Variants in TCN2 observed in about 807,000 individuals in gnomAD.
TCN2 encodes transcobalamin 2.
In TCN2, 34 loss-of-function variants were observed where a neutral mutation model predicts 48.6. The ratio of observed to expected loss-of-function variants is 0.70; its 90% CI spans 0.53 to 0.93. The LOEUF (loss-of-function observed/expected upper bound fraction) is 0.93, where lower values mean the gene tolerates loss of function less well. Among genes scored for constraint, TCN2 ranks in the 40% least tolerant of loss-of-function variants. TCN2 has a pLI of 0.00. For missense variants in TCN2, 652 were observed against 526.1 expected (o/e 1.24, Z -2.34); for synonymous variants, 283 against 212.5 (o/e 1.33, Z -2.89).
rs1021534004 is a variant in TCN2, at chr22:30,611,191, G to C, written c.257+128G>C. ...GCAAATTTTCTCCATCTATAGAATG[G>C]AGGACCTTTGTCCATCTATAGAATG... On this transcript the variant is annotated intron_variant, in intron 2 of 8. Transcript: ENST00000215838. The C allele has an allele frequency of 1.9e-5, 21 of 1,121,730 alleles. No individual in the cohort carries two copies. In the African/African-American group the frequency reaches 2.9e-4, roughly 16 times the overall value. The allele number at this position is 1,121,730 out of a possible 1,614,324, so 69.5% of individuals were successfully genotyped here. A position where few individuals can be genotyped will look rare whatever the true frequency, so the allele number is the denominator to read the frequency against.
chr22:30,612,563 TAAATA>T (rs1319568269), intron 2 of TCN2, among the ~76,000 whole-genome samples: 3 of 151,600 alleles, frequency 2.0e-5, no homozygotes, highest in African/African-American at 4.8e-5. Flanking sequence ...AGAAAATAAA[TAAATA>T]AAATAAAAAA....
At position 30,610,626 on chromosome 22, in the gene TCN2, C is replaced by CT. The variant is rs143253871; in HGVS notation, c.65-244dup. The stretch of plus-strand genomic sequence containing the variant: ...AGTGGTTGCCTGGCAGTAGCATCCT[C>CT]TATCTTCAGCCCACCACCTCTCTTG... On this transcript the variant is annotated intron_variant, in intron 1 of 8. Coordinates refer to ENST00000215838, the MANE Select transcript of TCN2 (RefSeq NM_000355.4). 0.027 allele frequency among the ~76,000 whole-genome samples: 4,101 copies of CT among 152,356 alleles called. 78 individuals carry two copies. The highest frequency in any genetic ancestry group is 0.046 in the African/African-American group (1,932 of 41,582).
At position 30,626,448 on chromosome 22, in the gene TCN2, CTG is replaced by C. The variant is rs746256091; in HGVS notation, c.1223-10_1223-9del. 2.5e-6 allele frequency: 4 copies of C among 1,614,014 alleles called. No individual in the cohort carries two copies. The highest frequency in any genetic ancestry group is 2.5e-6 in the Non-Finnish European group (3 of 1,180,024). Reference sequence around the variant, plus strand: ...CCCAATTCGCCCCTCCTTGCTCAATCTGTTTCTGCAGGTATTGCTGACTACAG... The same window carrying C: ...CCCAATTCGCCCCTCCTTGCTCAATCTTTCTGCAGGTATTGCTGACTACAG... On this transcript the variant is annotated splice_polypyrimidine_tract_variant and intron_variant, in intron 8 of 8. Transcript: ENST00000215838.
At chr22:30,611,354 T>C (rs557352906) in intron 2 of TCN2, among the ~76,000 whole-genome samples, 1 of 152,352 alleles carries the variant, frequency 6.6e-6, no homozygotes, top group African/African-American at 2.4e-5. Flanking sequence ...CATCTGACTC[T>C]ATGCTCCCTT....
chr22:30,611,000 C>A lies in TCN2; in HGVS notation c.194C>A (p.Ala65Asp), dbSNP rs1037707287. ...YVGLRLSSLQAGTKEDLYLHS... is the reference protein window; with the variant it reads ...YVGLRLSSLQDGTKEDLYLHS... ...GGCCTACGCCTCTCCAGTCTGCAGG[C>A]TGGGACCAAGGAAGACCTCTACCTG... The change falls in exon 2 of 9, where the codon GCT (alanine) becomes GAT (aspartate). Residue 65 changes from alanine (A) to aspartate (D), a missense_variant. Physicochemically the swap from Ala to Asp is moderately radical, Grantham distance 126. Transcript: ENST00000215838. 5.0e-6 allele frequency: 8 copies of A among 1,614,088 alleles called. No individual in the cohort carries two copies. In the African/African-American group the frequency reaches 6.7e-5, roughly 13 times the overall value.
chr22:30,611,175 C>G, intron 2 of TCN2, 112 bp downstream of exon 2: 1 of 1,334,352 alleles, frequency 7.5e-7, no homozygotes, highest in East Asian at 2.3e-5. Context: ...GGCAAATTTT[C>G]TCCATCTATA....
intron 2 of TCN2, among the ~76,000 whole-genome samples, chr22:30,612,205 A>ACTGCACTCCAGC (rs1262028527): frequency 6.6e-6 from 1 of 152,082 alleles, no homozygotes; most frequent in Non-Finnish European, 1.5e-5. Context: ...TGGTGGCACC[A>ACTGCACTCCAGC]CTGCACTCCA....
chr22:30,623,901 T>C (rs1351791267), intron 8 of TCN2, among the ~76,000 whole-genome samples: 6 of 90,858 alleles, frequency 6.6e-5, no homozygotes, highest in Non-Finnish European at 9.3e-5. Flanking sequence ...TATATATGTA[T>C]ACATATATAT....
At chr22:30,609,051 C>T (rs954612045) in intron 1 of TCN2, among the ~76,000 whole-genome samples, 2 of 152,136 alleles carry the variant, frequency 1.3e-5, no homozygotes, top group African/African-American at 4.8e-5. Context: ...CCCATGACAC[C>T]TGCTCTCCCA....
chr22:30,608,134 A>G (rs2087480824), intron 1 of TCN2, among the ~76,000 whole-genome samples: 1 of 152,194 alleles, frequency 6.6e-6, no homozygotes, highest in African/African-American at 2.4e-5. Flanking sequence ...AGGAGGCAGA[A>G]GGCAGGCTTT....
At chr22:30,615,228 G>A (rs972272477) in intron 4 of TCN2, 73 bp from the exon 5 acceptor site, 4 of 1,544,874 alleles carry the variant, frequency 2.6e-6, no homozygotes, top group African/African-American at 2.7e-5. Flanking sequence ...ACAAGGGCCT[G>A]ACCCTCAAGC....
intron 3 of TCN2, among the ~76,000 whole-genome samples, chr22:30,613,755 C>T (rs982235291): frequency 6.6e-6 from 1 of 152,188 alleles, no homozygotes; most frequent in African/African-American, 2.4e-5. Context: ...CCTGATCTTG[C>T]TGGCACTGCT....
In TCN2 at chr22:30,610,142, GAATA is replaced by G. The variant is rs138165315; in HGVS notation, c.65-725_65-722del. The G allele has an allele frequency of 5.8e-5, 27 of 465,142 alleles. No individual in the cohort carries two copies. The East Asian group carries it at 1.8e-3, about 31-fold the overall frequency. The allele number at this position is 465,142 out of a possible 1,614,324, so 28.8% of individuals were successfully genotyped here. ...TTGAGTATTTTCGTTGCACAGCTTCGAATAAATCCCACAGCAACAGGTAAACGGC... is the reference window on the plus strand; with the variant it reads ...TTGAGTATTTTCGTTGCACAGCTTCGAATCCCACAGCAACAGGTAAACGGC... On this transcript the variant is annotated intron_variant, in intron 1 of 8. Transcript: ENST00000215838.
chr22:30,615,461 A>C lies in TCN2; in HGVS notation c.741A>C (p.Pro247=). The part of the protein sequence containing the change: ...EGHFGNVYST[P]LALQFLMTSP... ...ACTTTGGGAATGTCTACAGCACCCC[A>C]TTGGCATTACAGGTGGGAAAGAGAC... The change falls in exon 5 of 9, where the codon CCA becomes CCC. Residue 247 remains proline (P), a synonymous_variant. Coordinates refer to ENST00000215838, the MANE Select transcript of TCN2 (RefSeq NM_000355.4). 1 of 1,614,156 alleles carries C rather than the reference A, an allele frequency of 6.2e-7. No homozygotes were observed. The highest frequency in any genetic ancestry group is 2.2e-5 in the East Asian group (1 of 44,880).
chr22:30,623,709 TATAC>T lies in TCN2; in HGVS notation c.1222+628_1222+631del, dbSNP rs765822971. The stretch of plus-strand genomic sequence containing the variant: ...TATACATATATATGAAATATATATA[TATAC>T]AGACACACATATATATGTATACATA... On this transcript the variant is annotated intron_variant, in intron 8 of 8. Transcript: ENST00000215838. Among the ~76,000 whole-genome samples, 20 of 134,372 alleles carry T rather than the reference TATAC, an allele frequency of 1.5e-4. 1 individual carries two copies. The highest frequency in any genetic ancestry group is 5.8e-4 in the African/African-American group (19 of 32,892). 88.2% of individuals were successfully genotyped at this position (134,372 alleles called of 152,430 possible). A position where few individuals can be genotyped will look rare whatever the true frequency, so the allele number is the denominator to read the frequency against.
intron 3 of TCN2, among the ~76,000 whole-genome samples, chr22:30,613,975 C>T (rs1330551797): frequency 6.6e-6 from 1 of 152,200 alleles, no homozygotes; most frequent in African/African-American, 2.4e-5. Flanking sequence ...CCTGCTCTAC[C>T]TTTGGCTCTG....
At chr22:30,615,233 T>C in intron 4 of TCN2, 68 bp from the exon 5 acceptor site, 1 of 1,573,984 alleles carries the variant, frequency 6.4e-7, no homozygotes, top group Non-Finnish European at 8.7e-7. Flanking sequence ...GGCCTGACCC[T>C]CAAGCCCCTG....
At chr22:30,610,532 C>T (rs924366174) in intron 1 of TCN2, among the ~76,000 whole-genome samples, 4 of 152,254 alleles carry the variant, frequency 2.6e-5, no homozygotes, top group Non-Finnish European at 1.5e-5. Flanking sequence ...ACAGGACTGG[C>T]ATGAGGACCA....
chr22:30,609,159 C>CTTTT, intron 1 of TCN2, among the ~76,000 whole-genome samples: 1 of 143,066 alleles, frequency 7.0e-6, no homozygotes, highest in East Asian at 2.0e-4. Context: ...CTTTCTTCTT[C>CTTTT]TTTTTTTTTT....
Sources: allele counts gnomAD v4.1 joint callset (sites outside exome capture counted in the v4.1 genomes callset), GRCh38; gene constraint gnomAD v4.1.1; transcripts MANE v1.5; gene names NCBI Gene and HGNC (gene_info 2026-07-23, HGNC 2026-07-21).